ACOXL: variants seen among roughly 807,000 people sequenced by gnomAD.
ACOXL encodes the protein acyl-coenzyme A oxidase-like protein.
ACOXL carries 70 observed loss-of-function variants against 71.9 expected under a neutral mutation model. The ratio of observed to expected loss-of-function variants is 0.97; its 90% CI spans 0.80 to 1.19. The LOEUF (loss-of-function observed/expected upper bound fraction) is 1.19, where lower values mean the gene tolerates loss of function less well. ACOXL is among the 50% of genes most tolerant of loss of function. The pLI, the probability that ACOXL is intolerant of heterozygous loss-of-function variation, is 0.00. For missense variants in ACOXL, 703 were observed against 736.3 expected, an observed-to-expected ratio of 0.95 and a Z score of 0.52; for synonymous variants, 253 against 281.6, an observed-to-expected ratio of 0.90 and a Z score of 1.02.
At chr2:110,894,541 C>G (rs1003162544) in intron 10 of ACOXL, among the ~76,000 whole-genome samples, 1 of 152,144 alleles carries the variant, frequency 6.6e-6, no homozygotes, top group Non-Finnish European at 1.5e-5. Flanking sequence ...GGTTCCGTAA[C>G]TCCATTATCA....
intron 12 of ACOXL, among the ~76,000 whole-genome samples, chr2:110,980,814 C>T (rs1032563103): frequency 2.0e-5 from 3 of 152,206 alleles, no homozygotes; most frequent in South Asian, 2.1e-4. Context: ...CCGCTCTGCC[C>T]GCGGCCCTGA....
chr2:110,921,845 A>G (rs1029211950), intron 11 of ACOXL, among the ~76,000 whole-genome samples: 3 of 152,324 alleles, frequency 2.0e-5, no homozygotes, highest in African/African-American at 7.2e-5. Flanking sequence ...ATTAGTTAAA[A>G]ATAGTTTAAA....
At chr2:110,857,655 A>G (rs1238345725) in intron 10 of ACOXL, among the ~76,000 whole-genome samples, 3 of 152,114 alleles carry the variant, frequency 2.0e-5, no homozygotes, top group Non-Finnish European at 4.4e-5. Flanking sequence ...AGTTCACCCT[A>G]TCCTCCCTTT....
chr2:110,958,123 A>G (rs1039806073), intron 12 of ACOXL, among the ~76,000 whole-genome samples: 1 of 151,864 alleles, frequency 6.6e-6, no homozygotes, highest in African/African-American at 2.4e-5. Flanking sequence ...ATGCACGCGC[A>G]TGCATACACA....
rs1191591554 is a variant in ACOXL at position 111,062,434 on chromosome 2, C to T, written c.1440+13146C>T. On this transcript the variant is annotated intron_variant, in intron 16 of 17. Coordinates refer to ENST00000439055, the MANE Select transcript of ACOXL (RefSeq NM_001142807.4). ...AACAACTAGACAGAAAATCAAAACACATAAAAAATCTTAACACCCTTAGCA... is the reference window on the plus strand; with the variant it reads ...AACAACTAGACAGAAAATCAAAACATATAAAAAATCTTAACACCCTTAGCA... 2.0e-5 allele frequency among the ~76,000 whole-genome samples: 3 copies of T among 152,064 alleles called. No homozygotes were observed. In the East Asian group the frequency reaches 5.8e-4, roughly 29 times the overall value.
chr2:110,963,689 A>G (rs758850625), intron 12 of ACOXL: 2 of 1,613,872 alleles, frequency 1.2e-6, no homozygotes. Flanking sequence ...CCACTTTTGA[A>G]GGTGACGATG....
At chr2:110,808,972 TGGAAAGA>T (rs980875423) in intron 9 of ACOXL, among the ~76,000 whole-genome samples, 3 of 151,588 alleles carry the variant, frequency 2.0e-5, no homozygotes, top group African/African-American at 7.3e-5. Flanking sequence ...CAAATAGGAG[TGGAAAGA>T]GTGAATGAGG....
chr2:110,955,786 G>A (rs1667578491), intron 12 of ACOXL, among the ~76,000 whole-genome samples: 3 of 152,024 alleles, frequency 2.0e-5, no homozygotes, highest in Admixed American at 2.0e-4. Flanking sequence ...TTCCCAGATT[G>A]GCTGAATTCC....
intron 7 of ACOXL, among the ~76,000 whole-genome samples, chr2:110,799,502 T>A: frequency 6.6e-6 from 1 of 152,178 alleles, no homozygotes; most frequent in Non-Finnish European, 1.5e-5. Flanking sequence ...ACTGACTCAG[T>A]GCCCTAGTTT....
At chr2:110,975,587 A>G (rs185118491) in intron 12 of ACOXL, among the ~76,000 whole-genome samples, 166 of 152,296 alleles carry the variant, frequency 1.1e-3, no homozygotes, top group Middle Eastern at 3.4e-3. Context: ...TCATAGTATT[A>G]TCTAAAAAAA....
intron 11 of ACOXL, among the ~76,000 whole-genome samples, chr2:110,931,019 CT>C (rs2060462534): frequency 6.6e-6 from 1 of 152,140 alleles, no homozygotes; most frequent in African/African-American, 2.4e-5. Flanking sequence ...CCTTGCATTT[CT>C]TGAGACATCA....
chr2:110,821,957 G>T (rs922340131), intron 9 of ACOXL, among the ~76,000 whole-genome samples: 1 of 151,792 alleles, frequency 6.6e-6, no homozygotes, highest in Non-Finnish European at 1.5e-5. Flanking sequence ...GTGCATGTGA[G>T]TGTGTGTGTG....
At chr2:111,057,730 T>A (rs892016370) in intron 16 of ACOXL, among the ~76,000 whole-genome samples, 5 of 152,232 alleles carry the variant, frequency 3.3e-5, no homozygotes, top group African/African-American at 1.2e-4. Context: ...CCAATCCAAA[T>A]GCCATCAGAA....
intron 12 of ACOXL, among the ~76,000 whole-genome samples, chr2:110,974,100 C>T (rs555521436): frequency 7.0e-4 from 107 of 152,320 alleles, no homozygotes; most frequent in African/African-American, 2.4e-3. Context: ...TACTGGTCCA[C>T]TCAGCCTTCC....
At chr2:111,003,225 G>A (rs1345516255) in intron 14 of ACOXL, among the ~76,000 whole-genome samples, 1 of 152,060 alleles carries the variant, frequency 6.6e-6, no homozygotes, top group African/African-American at 2.4e-5. Context: ...TTAGGCATGT[G>A]GGGTGGTGAA....
At chr2:111,013,522 C>CAAAAA (rs56905916) in intron 14 of ACOXL, among the ~76,000 whole-genome samples, 40 of 95,486 alleles carry the variant, frequency 4.2e-4, no homozygotes, top group South Asian at 7.5e-4. Flanking sequence ...GACCCTGTCT[C>CAAAAA]AAAAAAAAAA....
chr2:110,906,724 C>T (rs1170191059), intron 10 of ACOXL, among the ~76,000 whole-genome samples: 1 of 152,094 alleles, frequency 6.6e-6, no homozygotes, highest in African/African-American at 2.4e-5. Context: ...GAGCATGGGG[C>T]CATGCCCAAG....
chr2:111,051,936 C>A (rs2066308501), intron 16 of ACOXL, among the ~76,000 whole-genome samples: 1 of 152,102 alleles, frequency 6.6e-6, no homozygotes, highest in African/African-American at 2.4e-5. Context: ...TCCCAGGCAG[C>A]CTAATTTTGA....
chr2:111,067,402 A>G (rs765246495), intron 16 of ACOXL, among the ~76,000 whole-genome samples: 7 of 152,220 alleles, frequency 4.6e-5, no homozygotes, highest in Non-Finnish European at 8.8e-5. Context: ...TATAAGTGCT[A>G]TGAAAAAAAT....
Sources: allele counts gnomAD v4.1 joint callset (sites outside exome capture counted in the v4.1 genomes callset), GRCh38; gene constraint gnomAD v4.1.1; transcripts MANE v1.5; gene names NCBI Gene and HGNC (gene_info 2026-07-23, HGNC 2026-07-21).